CTNNA2: variants seen among roughly 807,000 people sequenced by gnomAD.
The protein encoded by CTNNA2 is catenin alpha 2, also known as catenin alpha-2.
A neutral mutation model predicts 101.0 loss-of-function variants in CTNNA2; 42 were observed. The ratio of observed to expected loss-of-function variants is 0.42; its 90% CI spans 0.32 to 0.54. The LOEUF is 0.54. CTNNA2 is among the 20% of genes least tolerant of loss of function. The pLI is 0.14. For missense variants in CTNNA2, 871 were observed against 1,223.1 expected, an observed-to-expected ratio of 0.71 and a Z score of 4.29; for synonymous variants, 450 against 456.4, an observed-to-expected ratio of 0.99 and a Z score of 0.18.
chr2:80,535,238 A>T (rs1005585086), intron 9 of CTNNA2, among the ~76,000 whole-genome samples: 3 of 152,202 alleles, frequency 2.0e-5, no homozygotes, highest in African/African-American at 7.2e-5. Flanking sequence ...CCACCAAAAT[A>T]TAAGCTCATC....
rs548443327 is a variant in CTNNA2, at chr2:79,188,495, C to T, written c.-524+3064C>T. 1.1e-4 allele frequency among the ~76,000 whole-genome samples: 16 copies of T among 152,276 alleles called. No homozygotes were observed. The East Asian group carries it at 2.7e-3, about 26-fold the overall frequency. The stretch of plus-strand genomic sequence containing the variant: ...ACAGTGACCCCACCTATTGCTGGAA[C>T]CTAATCAGTTAGAAAAATAGCATCC... On this transcript the variant is annotated intron_variant, in intron 1 of 21. Transcript: ENST00000466387.
chr2:80,264,971 A>G (rs1263673422), intron 7 of CTNNA2, among the ~76,000 whole-genome samples: 2 of 112,440 alleles, frequency 1.8e-5, no homozygotes, highest in Non-Finnish European at 3.4e-5. Context: ...AGGATAGGGA[A>G]GAGGTGTTTT....
intron 2 of CTNNA2, among the ~76,000 whole-genome samples, chr2:79,301,105 T>C (rs1676098165): frequency 6.6e-6 from 1 of 152,228 alleles, no homozygotes; most frequent in African/African-American, 2.4e-5. Context: ...AAGATGCCTT[T>C]TCTGAAATTA....
At chr2:79,227,428 A>G (rs1674432308) in intron 2 of CTNNA2, among the ~76,000 whole-genome samples, 1 of 152,174 alleles carries the variant, frequency 6.6e-6, no homozygotes, top group African/African-American at 2.4e-5. Flanking sequence ...TCTAACTAGT[A>G]TTTACAATGT....
intron 3 of CTNNA2, among the ~76,000 whole-genome samples, chr2:79,774,784 A>C (rs909585912): frequency 6.6e-6 from 1 of 152,194 alleles, no homozygotes; most frequent in Non-Finnish European, 1.5e-5. Context: ...GCCCAATATT[A>C]GGAAATTTCT....
At chr2:79,429,585 A>T (rs1678628514) in intron 4 of CTNNA2, among the ~76,000 whole-genome samples, 1 of 152,124 alleles carries the variant, frequency 6.6e-6, no homozygotes, top group Non-Finnish European at 1.5e-5. Context: ...GACACTAAGG[A>T]CTCTAAATTA....
In CTNNA2 at chr2:80,367,320, C is replaced by T. The variant is rs912546617; in HGVS notation, c.1057-25891C>T. ...CAGATTCACCCAGGTTTGAGACCTC[C>T]GACTGACTAGTCTTGTAACCACAGG... On this transcript the variant is annotated intron_variant, in intron 7 of 18. Transcript: ENST00000402739. Among the ~76,000 whole-genome samples, 15 of 152,188 alleles carry T rather than the reference C, an allele frequency of 9.9e-5. No homozygotes were observed. In the East Asian group the frequency reaches 2.1e-3, roughly 22 times the overall value.
At chr2:80,096,949 A>T (rs1700194565) in intron 7 of CTNNA2, among the ~76,000 whole-genome samples, 1 of 151,944 alleles carries the variant, frequency 6.6e-6, no homozygotes. Flanking sequence ...ATGGGTCTTG[A>T]CTCCTTATCC....
At chr2:79,399,214 G>A (rs1052491137) in intron 4 of CTNNA2, among the ~76,000 whole-genome samples, 8 of 152,074 alleles carry the variant, frequency 5.3e-5, no homozygotes, top group Admixed American at 1.3e-4. Context: ...GAGGATAAGA[G>A]GCTGATTTTT....
intron 3 of CTNNA2, among the ~76,000 whole-genome samples, chr2:79,336,717 G>A (rs542962456): frequency 3.6e-4 from 55 of 152,238 alleles, no homozygotes; most frequent in African/African-American, 1.3e-3. Context: ...CCCCTCCCTG[G>A]AATCCAGGAC....
At chr2:80,569,185 T>C (rs1202383466) in intron 12 of CTNNA2, among the ~76,000 whole-genome samples, 1 of 152,174 alleles carries the variant, frequency 6.6e-6, no homozygotes, top group Non-Finnish European at 1.5e-5. Flanking sequence ...GAGAATTTAT[T>C]CCAGAACTTT....
intron 4 of CTNNA2, among the ~76,000 whole-genome samples, chr2:79,455,085 T>C (rs1238978226): frequency 6.6e-6 from 1 of 151,902 alleles, no homozygotes; most frequent in Non-Finnish European, 1.5e-5. Flanking sequence ...CAGTAAAAAA[T>C]AAAGGGGGTG....
intron 7 of CTNNA2, among the ~76,000 whole-genome samples, chr2:80,236,985 G>C (rs1709583634): frequency 6.6e-6 from 1 of 152,206 alleles, no homozygotes; most frequent in Non-Finnish European, 1.5e-5. Context: ...TGTTTTAAGA[G>C]AGAAAGCAGT....
chr2:80,345,489 G>A (rs190407372), intron 7 of CTNNA2, among the ~76,000 whole-genome samples: 8 of 151,334 alleles, frequency 5.3e-5, no homozygotes, highest in Admixed American at 2.0e-4. Context: ...TTATTTTCTC[G>A]GTATCATTTA....
At chr2:80,141,092 T>G (rs1006861340) in intron 7 of CTNNA2, among the ~76,000 whole-genome samples, 3 of 152,080 alleles carry the variant, frequency 2.0e-5, no homozygotes, top group African/African-American at 4.8e-5. Context: ...TGTTTTAGAA[T>G]GTAGAATACC....
intron 7 of CTNNA2, among the ~76,000 whole-genome samples, chr2:80,169,024 A>T (rs1285886093): frequency 1.3e-5 from 2 of 152,190 alleles, no homozygotes; most frequent in African/African-American, 4.8e-5. Context: ...GCTCCGTGAG[A>T]TAAGGAATCC....
intron 7 of CTNNA2, among the ~76,000 whole-genome samples, chr2:80,022,142 C>T (rs554288916): frequency 6.6e-6 from 1 of 152,168 alleles, no homozygotes; most frequent in African/African-American, 2.4e-5. Flanking sequence ...GCTGACAGCA[C>T]CGGTCATTGA....
chr2:79,295,219 C>T (rs1675950114), intron 2 of CTNNA2, among the ~76,000 whole-genome samples: 1 of 152,142 alleles, frequency 6.6e-6, no homozygotes, highest in South Asian at 2.1e-4. Context: ...TCTTTCCCAG[C>T]CTATACTTCG....
intron 7 of CTNNA2, among the ~76,000 whole-genome samples, chr2:79,997,373 GAAGAAA>G (rs1039631117): frequency 2.0e-5 from 3 of 150,846 alleles, no homozygotes; most frequent in African/African-American, 7.3e-5. Flanking sequence ...AAAAAGAAAA[GAAGAAA>G]AAGAAAAAGA....
Sources: allele counts gnomAD v4.1 joint callset (sites outside exome capture counted in the v4.1 genomes callset), GRCh38; gene constraint gnomAD v4.1.1; transcripts MANE v1.5; gene names NCBI Gene and HGNC (gene_info 2026-07-23, HGNC 2026-07-21).